Variants in ARHGAP28 observed in about 807,000 individuals in gnomAD.
ARHGAP28 encodes Rho GTPase activating protein 28, also known as rho GTPase-activating protein 28.
A neutral mutation model predicts 90.7 loss-of-function variants in ARHGAP28; 56 were observed. The observed-to-expected ratio is 0.62, with a 90% confidence interval of 0.50 to 0.77. ARHGAP28 has a LOEUF of 0.77. ARHGAP28 is among the 30% of genes least tolerant of loss of function. The probability of loss-of-function intolerance (pLI) is 0.00; values close to 1 mark genes in which losing one functional copy is unlikely to be tolerated. For synonymous variants in ARHGAP28, 308 were observed against 323.3 expected (o/e 0.95, Z 0.51); for missense variants, 869 against 900.9 (o/e 0.96, Z 0.45).
At chr18:6,898,243 G>C (rs2057318047) in intron 16 of ARHGAP28, 1 of 423,596 alleles carries the variant, frequency 2.4e-6, no homozygotes, top group East Asian at 3.9e-5. Flanking sequence ...AAGGTAGGGG[G>C]TGGAGGAAGG....
chr18:6,913,002 A>G lies in ARHGAP28; in HGVS notation c.*848A>G, dbSNP rs1239410864. On this transcript the variant is annotated 3_prime_UTR_variant, in exon 18 of 18. Transcript: ENST00000383472. ...AGGCACGGGCTTCCTTTTCTGATCAAACATACCATTTTTTATATTTCACAA... is the reference window on the plus strand; with the variant it reads ...AGGCACGGGCTTCCTTTTCTGATCAGACATACCATTTTTTATATTTCACAA... 1 of 152,184 alleles carries G rather than the reference A, an allele frequency of 6.6e-6. No individual in the cohort carries two copies. The allele number at this position is 152,184 out of a possible 1,614,324, so 9.4% of individuals were successfully genotyped here. A position where few individuals can be genotyped will look rare whatever the true frequency, so the allele number is the denominator to read the frequency against.
intron 1 of ARHGAP28, among the ~76,000 whole-genome samples, chr18:6,744,431 C>G (rs565538416): frequency 3.9e-5 from 6 of 152,282 alleles, no homozygotes; most frequent in African/African-American, 1.4e-4. Context: ...GGTCTTTTCT[C>G]ATGCTTAGAT....
chr18:6,821,126 T>G lies in ARHGAP28; in HGVS notation c.123-3636T>G, dbSNP rs543619689. Among the ~76,000 whole-genome samples the G allele has an allele frequency of 8.5e-5, 13 of 152,326 alleles. No homozygotes were observed. The South Asian group carries it at 2.5e-3, about 29-fold the overall frequency. Reference sequence around the variant, plus strand: ...TATAAAGGGTAGAGGGAGAATTATATTCTGTAAGATATTTACACTGTTGTG... The same window carrying G: ...TATAAAGGGTAGAGGGAGAATTATAGTCTGTAAGATATTTACACTGTTGTG... On this transcript the variant is annotated intron_variant, in intron 1 of 17. Coordinates refer to ENST00000383472, the MANE Select transcript of ARHGAP28 (RefSeq NM_001366230.1).
chr18:6,895,666 A>T (rs545389628), intron 15 of ARHGAP28, among the ~76,000 whole-genome samples: 164 of 152,296 alleles, frequency 1.1e-3, no homozygotes, highest in African/African-American at 3.8e-3. Flanking sequence ...ACAAGGATGC[A>T]AGTCACTTGG....
chr18:6,878,629 C>T (rs1310544861), intron 10 of ARHGAP28, among the ~76,000 whole-genome samples: 1 of 152,196 alleles, frequency 6.6e-6, no homozygotes. Flanking sequence ...TTATTATAGG[C>T]ACATGCATTC....
intron 1 of ARHGAP28, among the ~76,000 whole-genome samples, chr18:6,821,069 A>G (rs1361665681): frequency 6.6e-6 from 1 of 152,222 alleles, no homozygotes; most frequent in Admixed American, 6.5e-5. Flanking sequence ...GGATGTAAAC[A>G]TCTGAGGGAG....
chr18:6,810,325 G>A (rs996792941), intron 1 of ARHGAP28, among the ~76,000 whole-genome samples: 6 of 152,162 alleles, frequency 3.9e-5, no homozygotes, highest in African/African-American at 9.7e-5. Flanking sequence ...AGCAGTGGAA[G>A]GAAAGATTCC....
chr18:6,909,166 G>A (rs1227237410), intron 17 of ARHGAP28, 142 bp downstream of exon 17: 3 of 577,282 alleles, frequency 5.2e-6, no homozygotes, highest in African/African-American at 3.9e-5. Context: ...TTTATCTCAT[G>A]TGGGAACAGT....
At chr18:6,738,196 A>C (rs190563912) in intron 1 of ARHGAP28, among the ~76,000 whole-genome samples, 23 of 152,322 alleles carry the variant, frequency 1.5e-4, no homozygotes, top group African/African-American at 5.1e-4. Context: ...CTATTTTAGC[A>C]ATTATAAGTT....
intron 10 of ARHGAP28, among the ~76,000 whole-genome samples, chr18:6,877,179 A>G (rs560179940): frequency 6.6e-6 from 1 of 152,322 alleles, no homozygotes; most frequent in South Asian, 2.1e-4. Context: ...CAGAGTTTTT[A>G]TATAGAAGTG....
intron 1 of ARHGAP28, among the ~76,000 whole-genome samples, chr18:6,816,134 G>A (rs560269431): frequency 6.6e-6 from 1 of 152,294 alleles, no homozygotes; most frequent in African/African-American, 2.4e-5. Flanking sequence ...AGAGAAAACT[G>A]ATGAGATGGC....
chr18:6,834,270 G>T (rs2056736275), intron 2 of ARHGAP28, among the ~76,000 whole-genome samples: 1 of 152,036 alleles, frequency 6.6e-6, no homozygotes, highest in Non-Finnish European at 1.5e-5. Flanking sequence ...TTACTTGAAG[G>T]AAGAAGAAAC....
intron 1 of ARHGAP28, among the ~76,000 whole-genome samples, chr18:6,788,221 A>C (rs1315828937): frequency 6.6e-6 from 1 of 151,932 alleles, no homozygotes; most frequent in East Asian, 1.9e-4. Context: ...GGTTGTTCAA[A>C]AGTGTGTAGC....
intron 1 of ARHGAP28, among the ~76,000 whole-genome samples, chr18:6,807,525 C>T (rs2056527410): frequency 6.6e-6 from 1 of 152,110 alleles, no homozygotes; most frequent in African/African-American, 2.4e-5. Context: ...AGCATTTAGT[C>T]TAAGAAAAAG....
intron 2 of ARHGAP28, among the ~76,000 whole-genome samples, chr18:6,826,376 A>C (rs2056663130): frequency 6.6e-6 from 1 of 151,856 alleles, no homozygotes; most frequent in South Asian, 2.1e-4. Flanking sequence ...TCTGGATATT[A>C]GACCTCTGTC....
At chr18:6,893,360 A>T (rs186872538) in intron 14 of ARHGAP28, among the ~76,000 whole-genome samples, 3 of 152,348 alleles carry the variant, frequency 2.0e-5, no homozygotes, top group Admixed American at 2.0e-4. Context: ...ATGGAAAAGC[A>T]TAAGTAAAAA....
chr18:6,806,733 A>G (rs749630227), intron 1 of ARHGAP28, among the ~76,000 whole-genome samples: 20 of 152,058 alleles, frequency 1.3e-4, no homozygotes, highest in Non-Finnish European at 2.2e-4. Context: ...ATAGATTCAT[A>G]TTTCCATTTG....
At chr18:6,884,128 A>C (rs1203727759) in intron 11 of ARHGAP28, among the ~76,000 whole-genome samples, 1 of 152,006 alleles carries the variant, frequency 6.6e-6, no homozygotes, top group Non-Finnish European at 1.5e-5. Flanking sequence ...TAATCCCAGC[A>C]CTTTGGGAGG....
chr18:6,827,924 A>G (rs1340747671), intron 2 of ARHGAP28, among the ~76,000 whole-genome samples: 1 of 149,948 alleles, frequency 6.7e-6, no homozygotes, highest in Non-Finnish European at 1.5e-5. Context: ...CCGGGCAGAG[A>G]CGCTCCTCAC....
Sources: allele counts gnomAD v4.1 joint callset (sites outside exome capture counted in the v4.1 genomes callset), GRCh38; gene constraint gnomAD v4.1.1; transcripts MANE v1.5; gene names NCBI Gene and HGNC (gene_info 2026-07-23, HGNC 2026-07-21).